The following SSH1 variants were observed in gnomAD, a reference collection of about 807,000 sequenced individuals.
SSH1 encodes the protein protein phosphatase Slingshot homolog 1.
In SSH1, 43 loss-of-function variants were observed where a neutral mutation model predicts 79.7. The observed-to-expected ratio is 0.54, with a 90% CI of 0.42 to 0.70. The LOEUF (loss-of-function observed/expected upper bound fraction) is 0.70, where lower values mean the gene tolerates loss of function less well. SSH1 is among the 30% of genes least tolerant of loss of function. SSH1 has a pLI of 0.00. For synonymous variants in SSH1, 599 were observed against 538.3 expected, an observed-to-expected ratio of 1.11 and a Z score of -1.56; for missense variants, 1,206 against 1,358.8, an observed-to-expected ratio of 0.89 and a Z score of 1.77.
intron 5 of SSH1, among the ~76,000 whole-genome samples, chr12:108,812,677 G>A (rs1455652016): frequency 6.6e-6 from 1 of 152,236 alleles, no homozygotes; most frequent in Admixed American, 6.5e-5. Flanking sequence ...GCCCACAGGG[G>A]ACTTCTGCTC....
intron 2 of SSH1, among the ~76,000 whole-genome samples, chr12:108,845,662 G>A (rs2038883826): frequency 6.6e-6 from 1 of 152,194 alleles, no homozygotes; most frequent in Non-Finnish European, 1.5e-5. Context: ...ACTCTAGCCT[G>A]AGCAACGTGA....
intron 2 of SSH1, among the ~76,000 whole-genome samples, chr12:108,843,371 G>A (rs1178618505): frequency 6.6e-6 from 1 of 152,186 alleles, no homozygotes; most frequent in African/African-American, 2.4e-5. Context: ...CCTATCCAGG[G>A]CAAACTGGGC....
At chr12:108,834,190 C>T (rs920180575) in intron 2 of SSH1, 1 of 152,312 alleles carries the variant, frequency 6.6e-6, no homozygotes, top group African/African-American at 2.4e-5. Context: ...TCCCCCTGTT[C>T]TCCATGCTTC....
At chr12:108,810,784 C>T (rs80105212) in intron 6 of SSH1, among the ~76,000 whole-genome samples, 1 of 152,212 alleles carries the variant, frequency 6.6e-6, no homozygotes, top group Admixed American at 6.5e-5. Context: ...CGACTGCCTG[C>T]CCGGGTGGAA....
At position 108,794,454 on chromosome 12, in the gene SSH1, G is replaced by A. The variant is rs557309856; in HGVS notation, c.1350-1625C>T. Among the ~76,000 whole-genome samples, 18 of 152,336 alleles carry A rather than the reference G, an allele frequency of 1.2e-4. No individual in the cohort carries two copies. In the South Asian group the frequency reaches 3.7e-3, roughly 32 times the overall value. ...GTATGGGGGATAGGTCAACCTCTCAGCGTCAGCTCCTTATCCCTGCCCTGA... is the reference window on the plus strand; with the variant it reads ...GTATGGGGGATAGGTCAACCTCTCAACGTCAGCTCCTTATCCCTGCCCTGA... On this transcript the variant is annotated intron_variant, in intron 13 of 14. Transcript: ENST00000326495.
intron 2 of SSH1, among the ~76,000 whole-genome samples, chr12:108,828,477 C>A (rs555347068): frequency 1.3e-3 from 196 of 152,302 alleles, no homozygotes; most frequent in African/African-American, 4.5e-3. Context: ...CTCATGCCTG[C>A]CCAGGTGCCT....
In SSH1 at chr12:108,792,446, T is replaced by C. The variant is rs1435640550; in HGVS notation, c.1733A>G (p.Lys578Arg). 3 of 1,614,186 alleles carry C rather than the reference T, an allele frequency of 1.9e-6. No individual in the cohort carries two copies. The highest frequency in any genetic ancestry group is 3.3e-5 in the Admixed American group (2 of 60,022). ...VKKKLEFGSP[K>R]GRSGSLLQVE... Reference sequence around the variant, plus strand: ...CTGCAGCAAGGAGCCGCTCCGACCTTTGGGACTCCCAAACTCTAGTTTCTT... The same window carrying C: ...CTGCAGCAAGGAGCCGCTCCGACCTCTGGGACTCCCAAACTCTAGTTTCTT... The change falls in exon 14 of 15, where the codon AAA becomes AGA. Residue 578 changes from lysine (K) to arginine (R), a missense_variant. Around this residue, in one of 5 missense-constraint regions of SSH1, gnomAD observed 709 missense variants for 730.6 expected, o/e 0.97. Transcript: ENST00000326495.
rs768597496 is a variant in SSH1 at position 108,792,496 on chromosome 12, G to A, written c.1683C>T (p.Ser561=). The A allele has an allele frequency of 3.8e-5, 61 of 1,614,030 alleles. No individual in the cohort carries two copies. Among genetic ancestry groups the A allele is most frequent in the Admixed American group, 2.3e-4 (14 of 59,990 alleles). The part of the protein sequence containing the change: ...HRPARQPQQG[S]GLCEKDVKKK... ...TCTTCACATCCTTCTCACAGAGTCC[G>A]GAACCTTGCTGGGGCTGTCTGGCCG... Residue 561 remains serine, a synonymous_variant, in exon 14 of 15, where the codon TCC becomes TCT. Coordinates refer to ENST00000326495, the MANE Select transcript of SSH1 (RefSeq NM_018984.4).
intron 2 of SSH1, among the ~76,000 whole-genome samples, chr12:108,831,152 G>A (rs980813443): frequency 6.6e-6 from 1 of 152,150 alleles, no homozygotes; most frequent in Non-Finnish European, 1.5e-5. Context: ...CTGAAGAAGA[G>A]GCCCTGTAAA....
In SSH1 at chr12:108,784,532, GAAAT is replaced by G. The variant is rs2036217145; in HGVS notation, c.*3452_*3455del. 2 of 152,218 alleles carry G rather than the reference GAAAT, an allele frequency of 1.3e-5. No homozygotes were observed. Among genetic ancestry groups the G allele is most frequent in the South Asian group, 4.1e-4 (2 of 4,834 alleles). 9.4% of individuals were successfully genotyped at this position (152,218 alleles called of 1,614,324 possible). On this transcript the variant is annotated 3_prime_UTR_variant, in exon 15 of 15. Transcript: ENST00000326495. ...AGCAAGGAAGCAGGGAATGTAAAGA[GAAAT>G]AAACTCTGCTCTTAGGAAATACATG... is the stretch of plus-strand genomic sequence containing the variant.
chr12:108,803,586 T>A (rs747365196), intron 10 of SSH1, among the ~76,000 whole-genome samples: 25 of 152,064 alleles, frequency 1.6e-4, no homozygotes, highest in Non-Finnish European at 3.4e-4. Context: ...GGCCCAAACA[T>A]AAAAATTCCT....
intron 14 of SSH1, chr12:108,791,869 G>A: frequency 1.7e-6 from 2 of 1,153,018 alleles, no homozygotes; most frequent in South Asian, 7.6e-5. Flanking sequence ...GTGTGGGGAA[G>A]TGGGTGGTAG....
At chr12:108,845,865 A>T (rs1215733162) in intron 2 of SSH1, among the ~76,000 whole-genome samples, 1 of 152,248 alleles carries the variant, frequency 6.6e-6, no homozygotes, top group African/African-American at 2.4e-5. Context: ...CAGACAAGCA[A>T]CAAAGACAAT....
intron 5 of SSH1, among the ~76,000 whole-genome samples, chr12:108,813,594 C>G (rs115748504): frequency 1.3e-5 from 2 of 150,404 alleles, no homozygotes; most frequent in Non-Finnish European, 3.0e-5. Flanking sequence ...GTGCCTGTGG[C>G]CTCGGCTACT....
Position 108,841,804 on chromosome 12 carries a change from TC to T in SSH1, c.110+10833del, listed in dbSNP as rs909240247. Among the ~76,000 whole-genome samples, 204 of 143,224 alleles carry T rather than the reference TC, an allele frequency of 1.4e-3. 1 individual carries two copies. Among genetic ancestry groups the T allele is most frequent in the African/African-American group, 5.2e-3 (192 of 37,046 alleles). The allele number at this position is 143,224 out of a possible 152,430, so 94.0% of individuals were successfully genotyped here. A position where few individuals can be genotyped will look rare whatever the true frequency, so the allele number is the denominator to read the frequency against. On this transcript the variant is annotated intron_variant, in intron 2 of 14. Transcript: ENST00000326495. The stretch of plus-strand genomic sequence containing the variant: ...AGCCTGGTGACAGAGCAAGTCTCCA[TC>T]CCCCCCCACAAAAAAAAAGTATATA...
intron 2 of SSH1, among the ~76,000 whole-genome samples, chr12:108,825,142 C>T (rs1423294542): frequency 2.0e-5 from 3 of 152,094 alleles, no homozygotes; most frequent in Non-Finnish European, 2.9e-5. Context: ...ATAAAAATTT[C>T]GCTCTTGAAC....
intron 2 of SSH1, chr12:108,825,965 C>G: frequency 2.7e-6 from 1 of 371,278 alleles, no homozygotes; most frequent in South Asian, 2.1e-5. Flanking sequence ...TCATCAAAAT[C>G]TGAAACAGCT....
intron 2 of SSH1, among the ~76,000 whole-genome samples, chr12:108,823,956 G>A (rs530006831): frequency 1.3e-3 from 202 of 152,218 alleles, no homozygotes; most frequent in African/African-American, 4.5e-3. Flanking sequence ...GCGTGACCAC[G>A]CCCAGCCATA....
Position 108,854,563 on chromosome 12 carries a change from G to A in SSH1, c.70-1885C>T, listed in dbSNP as rs150267075. Reference sequence around the variant, plus strand: ...GCTGTGATCCCCCGTTTCCCACGCCGGCAGCAGGCCTGGCTGTGTCAGGAA... The same window carrying A: ...GCTGTGATCCCCCGTTTCCCACGCCAGCAGCAGGCCTGGCTGTGTCAGGAA... On this transcript the variant is annotated intron_variant, in intron 1 of 14. Transcript: ENST00000326495. Among the ~76,000 whole-genome samples the A allele has an allele frequency of 2.7e-3, 415 of 152,290 alleles. 4 individuals are homozygous for A. Among genetic ancestry groups the A allele is most frequent in the African/African-American group, 8.7e-3 (361 of 41,556 alleles).
Sources: gnomAD v4.1 joint callset for allele counts (sites outside exome capture counted in the v4.1 genomes callset) on GRCh38, gnomAD v4.1.1 for gene constraint, gnomAD v4.1.1 regional missense constraint, MANE v1.5 for transcripts, NCBI Gene and HGNC (gene_info 2026-07-23, HGNC 2026-07-21) for gene names.